STAC: variants seen among roughly 807,000 people sequenced by gnomAD.
STAC encodes the protein SH3 and cysteine-rich domain-containing protein.
STAC carries 43 observed loss-of-function variants against 48.8 expected under a neutral mutation model. That is an observed-to-expected ratio of 0.88 (90% CI 0.69 to 1.14). The LOEUF (loss-of-function observed/expected upper bound fraction) is 1.14, where lower values mean the gene tolerates loss of function less well. Ranked by LOEUF, STAC falls within the 50% of genes most tolerant of loss-of-function variation. The pLI is 0.00. For missense variants in STAC, 497 were observed against 504.0 expected (o/e 0.99, Z 0.13); for synonymous variants, 193 against 179.5 (o/e 1.07, Z -0.60).
intron 2 of STAC, among the ~76,000 whole-genome samples, chr3:36,451,281 T>C (rs1330853567): frequency 6.6e-6 from 1 of 152,196 alleles, no homozygotes; most frequent in African/African-American, 2.4e-5. Context: ...TCTCAAATTA[T>C]TAAAAAGTAA....
At position 36,493,946 on chromosome 3, in the gene STAC, C is replaced by G. The variant is rs563795952; in HGVS notation, c.766+717C>G. 2.6e-5 allele frequency among the ~76,000 whole-genome samples: 4 copies of G among 151,390 alleles called. No individual in the cohort carries two copies. The South Asian group carries it at 8.4e-4, about 32-fold the overall frequency. On this transcript the variant is annotated intron_variant, in intron 6 of 10. Coordinates refer to ENST00000273183, the MANE Select transcript of STAC (RefSeq NM_003149.3). ...CGGGCGGATCACGAGGTCAGGAGAT[C>G]GAGACCATCCTGGCTAACACGGTGA...
Position 36,547,423 on chromosome 3 carries a change from A to T in STAC, c.*1134A>T. The T allele has an allele frequency of 6.5e-6, 1 of 152,674 alleles. No homozygotes were observed. The highest frequency in any genetic ancestry group is 1.9e-4 in the East Asian group (1 of 5,192). The allele number at this position is 152,674 out of a possible 1,614,324, so 9.5% of individuals were successfully genotyped here. A position where few individuals can be genotyped will look rare whatever the true frequency, so the allele number is the denominator to read the frequency against. On this transcript the variant is annotated 3_prime_UTR_variant, in exon 11 of 11. Transcript: ENST00000273183. The stretch of plus-strand genomic sequence containing the variant: ...AAGTAGAGGAACTAGGGGCCCAATT[A>T]GCATCATCTAGGGGAATCTCTATTA...
At chr3:36,465,200 C>A (rs1370198602) in intron 2 of STAC, among the ~76,000 whole-genome samples, 2 of 152,120 alleles carry the variant, frequency 1.3e-5, no homozygotes, top group African/African-American at 4.8e-5. Flanking sequence ...ATTTGCATTT[C>A]CCTGATAATT....
At chr3:36,460,636 G>A (rs1449959197) in intron 2 of STAC, among the ~76,000 whole-genome samples, 1 of 149,348 alleles carries the variant, frequency 6.7e-6, no homozygotes, top group Non-Finnish European at 1.5e-5. Flanking sequence ...GGGCAGCCCT[G>A]CACACATACA....
At chr3:36,484,649 G>T (rs1471860391) in intron 3 of STAC, among the ~76,000 whole-genome samples, 1 of 152,176 alleles carries the variant, frequency 6.6e-6, no homozygotes, top group East Asian at 1.9e-4. Flanking sequence ...ATAATATGTG[G>T]CAGTCCACTT....
At chr3:36,482,656 G>C (rs1231177484) in intron 2 of STAC, among the ~76,000 whole-genome samples, 2 of 152,098 alleles carry the variant, frequency 1.3e-5, no homozygotes, top group African/African-American at 2.4e-5. Flanking sequence ...GCACTACTCA[G>C]TAAGACACAG....
At chr3:36,405,818 C>T (rs57263589) in intron 1 of STAC, among the ~76,000 whole-genome samples, 3,540 of 152,272 alleles carry the variant, frequency 0.023, 62 homozygotes, top group East Asian at 0.026. Flanking sequence ...AATGCCTGGG[C>T]TCAAGCAATT....
At chr3:36,520,269 T>G (rs1027601473) in intron 8 of STAC, among the ~76,000 whole-genome samples, 1 of 152,212 alleles carries the variant, frequency 6.6e-6, no homozygotes, top group African/African-American at 2.4e-5. Flanking sequence ...ATTCCTGGGC[T>G]TCACCTAGAC....
intron 10 of STAC, among the ~76,000 whole-genome samples, chr3:36,529,839 C>T (rs1699022407): frequency 6.6e-6 from 1 of 151,810 alleles, no homozygotes; most frequent in South Asian, 2.1e-4. Context: ...CTTGGACTTA[C>T]GGCAGGGCTC....
chr3:36,535,377 T>C (rs569072108), intron 10 of STAC, among the ~76,000 whole-genome samples: 15 of 152,296 alleles, frequency 9.8e-5, no homozygotes, highest in African/African-American at 3.6e-4. Context: ...TGGGCTGAGA[T>C]GATGGAGTTT....
At chr3:36,517,001 T>C (rs1698689516) in intron 8 of STAC, among the ~76,000 whole-genome samples, 1 of 152,162 alleles carries the variant, frequency 6.6e-6, no homozygotes, top group African/African-American at 2.4e-5. Context: ...TGAGACCTTG[T>C]CCAACTGGTC....
intron 2 of STAC, among the ~76,000 whole-genome samples, chr3:36,465,342 G>A (rs1697138441): frequency 6.6e-6 from 1 of 152,078 alleles, no homozygotes; most frequent in Admixed American, 6.6e-5. Context: ...TGAGTTCCTT[G>A]TAGATTCTGG....
intron 1 of STAC, among the ~76,000 whole-genome samples, chr3:36,425,144 T>A (rs1335532771): frequency 1.3e-5 from 2 of 152,186 alleles, no homozygotes; most frequent in Non-Finnish European, 2.9e-5. Context: ...ATATTTATTA[T>A]GAAGGGGAAA....
chr3:36,467,461 T>A (rs1697210578), intron 2 of STAC, among the ~76,000 whole-genome samples: 1 of 152,158 alleles, frequency 6.6e-6, no homozygotes, highest in Non-Finnish European at 1.5e-5. Flanking sequence ...CAGCTATGAA[T>A]CTGTGCGGTT....
At chr3:36,465,434 A>C (rs9812914) in intron 2 of STAC, among the ~76,000 whole-genome samples, 138,394 of 152,248 alleles carry the variant, frequency 0.91, 63,135 homozygotes, top group African/African-American at 0.98. Flanking sequence ...ATGATTATTT[A>C]TGTTGCTGTG....
In STAC at chr3:36,528,715, C is replaced by A; in HGVS notation, c.940C>A (p.Leu314Ile). 1 of 1,604,268 alleles carries A rather than the reference C, an allele frequency of 6.2e-7. No individual in the cohort carries two copies. Among genetic ancestry groups the A allele is most frequent in the Non-Finnish European group, 8.5e-7 (1 of 1,176,558 alleles). The stretch of plus-strand genomic sequence containing the variant: ...TTTTAGGCCAGGAGACATAATTACT[C>A]TTTTAGAGGATTCCAATGAAGACTG... Reference protein sequence around the residue: ...LEMRPGDIITLLEDSNEDWWK... With the variant: ...LEMRPGDIITILEDSNEDWWK... Residue 314 changes from leucine to isoleucine, a missense_variant, in exon 9 of 11, where the codon CTT (leucine) becomes ATT (isoleucine). Leu to Ile is a conservative substitution (Grantham distance 5). Transcript: ENST00000273183.
intron 2 of STAC, among the ~76,000 whole-genome samples, chr3:36,461,346 T>A (rs1364269051): frequency 6.6e-6 from 1 of 152,180 alleles, no homozygotes; most frequent in African/African-American, 2.4e-5. Context: ...TAAATAGGAA[T>A]TCATTCAGCA....
At chr3:36,533,747 G>A (rs1396417939) in intron 10 of STAC, among the ~76,000 whole-genome samples, 5 of 152,014 alleles carry the variant, frequency 3.3e-5, no homozygotes, top group Non-Finnish European at 7.4e-5. Context: ...GGTTTGGGGT[G>A]TGGAGGAGGT....
chr3:36,546,431 T>G lies in STAC; in HGVS notation c.*142T>G. ...GAGACAAGAATCAAGTATCTGAGAC[T>G]GTGGAGTAATAGCCACAAAACAGAG... On this transcript the variant is annotated 3_prime_UTR_variant, in exon 11 of 11. Transcript: ENST00000273183. 1.4e-6 allele frequency: 1 copy of G among 693,270 alleles called. No individual in the cohort carries two copies. Among genetic ancestry groups the G allele is most frequent in the Non-Finnish European group, 2.5e-6 (1 of 405,590 alleles). The allele number at this position is 693,270 out of a possible 1,614,324, so 42.9% of individuals were successfully genotyped here.
Sources: allele counts gnomAD v4.1 joint callset (sites outside exome capture counted in the v4.1 genomes callset), GRCh38; gene constraint gnomAD v4.1.1; transcripts MANE v1.5; gene names NCBI Gene and HGNC (gene_info 2026-07-23, HGNC 2026-07-21).